The following EMB variants were observed in gnomAD, a reference collection of about 807,000 sequenced individuals.
The protein encoded by EMB is embigin, also known as embigin homolog.
Under a neutral mutation model 41.4 loss-of-function variants are expected in EMB, and 31 were observed. That is an observed-to-expected ratio of 0.75 (90% CI 0.56 to 1.01). EMB has a LOEUF of 1.01. Among genes scored for constraint, EMB ranks in the 50% least tolerant of loss-of-function variants. The pLI is 0.00. For missense variants in EMB, 379 were observed against 388.3 expected (o/e 0.98, Z 0.20); for synonymous variants, 137 against 140.4 (o/e 0.98, Z 0.17).
rs546181641 is a variant in EMB at position 50,430,668 on chromosome 5, T to G, written c.113-2441A>C. 2.4e-4 allele frequency among the ~76,000 whole-genome samples: 36 copies of G among 152,280 alleles called. 1 individual carries two copies. In the South Asian group the frequency reaches 7.2e-3, roughly 31 times the overall value. The stretch of plus-strand genomic sequence containing the variant: ...TGCATAGTATATAACTATGCATTAA[T>G]ATATAACTGTATATATAGTTACAGT... On this transcript the variant is annotated intron_variant, in intron 1 of 8. Coordinates refer to ENST00000303221, the MANE Select transcript of EMB (RefSeq NM_198449.3).
intron 2 of EMB, among the ~76,000 whole-genome samples, chr5:50,412,601 C>T (rs1031435381): frequency 1.3e-5 from 2 of 151,860 alleles, no homozygotes; most frequent in Admixed American, 1.3e-4. Flanking sequence ...TCTCCTTACC[C>T]TACTAAGATG....
At chr5:50,435,265 A>G (rs1745785891) in intron 1 of EMB, among the ~76,000 whole-genome samples, 2 of 152,192 alleles carry the variant, frequency 1.3e-5, no homozygotes, top group African/African-American at 4.8e-5. Context: ...TATTTCCTAC[A>G]AAGGACATTC....
intron 2 of EMB, among the ~76,000 whole-genome samples, chr5:50,421,327 A>C (rs1260636688): frequency 1.3e-5 from 2 of 152,216 alleles, no homozygotes. Context: ...GAGAAATGCA[A>C]ATCAAAACCA....
intron 5 of EMB, 102 bp from the exon 6 acceptor site, chr5:50,403,556 T>C (rs1745202135): frequency 1.1e-5 from 14 of 1,284,338 alleles, no homozygotes; most frequent in Non-Finnish European, 1.4e-5. Context: ...ACAATATTGC[T>C]TACTAGAGAA....
chr5:50,419,675 C>T (rs1340494053), intron 2 of EMB, among the ~76,000 whole-genome samples: 1 of 152,134 alleles, frequency 6.6e-6, no homozygotes, highest in African/African-American at 2.4e-5. Flanking sequence ...CATCTCCTTT[C>T]CCCATCATGG....
chr5:50,402,769 G>T (rs1389922622), intron 6 of EMB, among the ~76,000 whole-genome samples: 1 of 146,390 alleles, frequency 6.8e-6, no homozygotes, highest in African/African-American at 2.5e-5. Context: ...CTAAGTGAAA[G>T]AAAAATTGTT....
rs1387981516 is a variant in EMB at position 50,441,111 on chromosome 5, G to A, written c.41C>T (p.Thr14Met). The change falls in exon 1 of 9, where the codon ACG becomes ATG. Residue 14 changes from threonine to methionine, a missense_variant. Physicochemically the swap from Thr to Met is moderately conservative, Grantham distance 81. Coordinates refer to ENST00000303221, the MANE Select transcript of EMB (RefSeq NM_198449.3). ...GCACTGGAGGAGGAGCAGCCGGGGC[G>A]TACGCGCCCTGGCCTCCAGCAGGCC... ...LPGLLEARAR[T>M]PRLLLLQCLL... 1.6e-5 allele frequency: 24 copies of A among 1,516,312 alleles called. No individual in the cohort carries two copies. The highest frequency in any genetic ancestry group is 2.1e-5 in the Non-Finnish European group (24 of 1,136,112). The allele number at this position is 1,516,312 out of a possible 1,614,324, so 93.9% of individuals were successfully genotyped here. A position where few individuals can be genotyped will look rare whatever the true frequency, so the allele number is the denominator to read the frequency against.
intron 1 of EMB, among the ~76,000 whole-genome samples, chr5:50,435,422 C>T (rs1745788344): frequency 6.6e-6 from 1 of 152,204 alleles, no homozygotes; most frequent in African/African-American, 2.4e-5. Flanking sequence ...CACACATTGC[C>T]GTTGGCTATC....
chr5:50,422,184 A>T (rs1482939088), intron 2 of EMB, among the ~76,000 whole-genome samples: 1 of 152,242 alleles, frequency 6.6e-6, no homozygotes, highest in Non-Finnish European at 1.5e-5. Context: ...TTAATGAAAT[A>T]AAATAGGCAA....
chr5:50,428,698 C>A lies in EMB; in HGVS notation c.113-471G>T, dbSNP rs955362462. On this transcript the variant is annotated intron_variant, in intron 1 of 8. Coordinates refer to ENST00000303221, the MANE Select transcript of EMB (RefSeq NM_198449.3). ...GGAACAGAGAAGATAAAATGGCTGA[C>A]GGGCCAGTTTGGGTTGCTATTTGTT... 3 of 985,076 alleles carry A rather than the reference C, an allele frequency of 3.0e-6. No homozygotes were observed. The South Asian group carries it at 1.4e-4, about 46-fold the overall frequency. 61.0% of individuals were successfully genotyped at this position (985,076 alleles called of 1,614,324 possible). A position where few individuals can be genotyped will look rare whatever the true frequency, so the allele number is the denominator to read the frequency against.
chr5:50,422,563 A>G (rs1449653944), intron 2 of EMB, among the ~76,000 whole-genome samples: 1 of 152,234 alleles, frequency 6.6e-6, no homozygotes, highest in Non-Finnish European at 1.5e-5. Context: ...GGCTAACAGT[A>G]CAAAATAATA....
chr5:50,399,858 C>A lies in EMB; in HGVS notation c.966+1G>T. The A allele has an allele frequency of 6.2e-6, 10 of 1,602,324 alleles. No homozygotes were observed. Among genetic ancestry groups the A allele is most frequent in the Non-Finnish European group, 8.5e-6 (10 of 1,173,208 alleles). ...TGGAATATCATTCAGAAGTAACTTA[C>A]ATTTTTTCTATGCCTGGGGACATTA... On this transcript the variant is annotated splice_donor_variant, in intron 8 of 8. Coordinates refer to ENST00000303221, the MANE Select transcript of EMB (RefSeq NM_198449.3). LOFTEE classifies it high-confidence loss of function.
chr5:50,435,718 C>G (rs1745793028), intron 1 of EMB, among the ~76,000 whole-genome samples: 1 of 152,134 alleles, frequency 6.6e-6, no homozygotes, highest in African/African-American at 2.4e-5. Context: ...TAAGCATATT[C>G]TGAAGAGTTA....
At chr5:50,431,088 C>G (rs1288649705) in intron 1 of EMB, among the ~76,000 whole-genome samples, 1 of 152,178 alleles carries the variant, frequency 6.6e-6, no homozygotes, top group African/African-American at 2.4e-5. Flanking sequence ...AAACCAAACA[C>G]CACCAGTACC....
At chr5:50,410,175 T>C (rs114901581) in intron 4 of EMB, among the ~76,000 whole-genome samples, 152 of 152,228 alleles carry the variant, frequency 1.0e-3, no homozygotes, top group African/African-American at 3.6e-3. Flanking sequence ...TGGCGACAGA[T>C]TGCATTTCCC....
At chr5:50,441,494 G>T, upstream of EMB, 1 of 190,380 alleles carries the variant, frequency 5.3e-6, no homozygotes, top group Non-Finnish European at 1.1e-5. Flanking sequence ...GTGATGTCTA[G>T]CCAATCTCGT....
At chr5:50,422,369 G>A (rs1333106689) in intron 2 of EMB, among the ~76,000 whole-genome samples, 2 of 152,164 alleles carry the variant, frequency 1.3e-5, no homozygotes, top group Non-Finnish European at 2.9e-5. Context: ...GTGTGAACAT[G>A]CAGTTGGTGC....
intron 2 of EMB, 75 bp downstream of exon 2, chr5:50,428,069 G>T: frequency 9.8e-7 from 1 of 1,018,432 alleles, no homozygotes; most frequent in Non-Finnish European, 1.5e-6. Flanking sequence ...AAAGCAAAAA[G>T]CAGTAGCTTT....
At chr5:50,426,472 A>C (rs1377545403) in intron 2 of EMB, among the ~76,000 whole-genome samples, 1 of 152,238 alleles carries the variant, frequency 6.6e-6, no homozygotes, top group African/African-American at 2.4e-5. Flanking sequence ...TCCCAGGCAC[A>C]AGAATCCATA....
Sources: allele counts gnomAD v4.1 joint callset (sites outside exome capture counted in the v4.1 genomes callset), GRCh38; gene constraint gnomAD v4.1.1; transcripts MANE v1.5; gene names NCBI Gene and HGNC (gene_info 2026-07-23, HGNC 2026-07-21).